ZNF333: variants seen among roughly 807,000 people sequenced by gnomAD.
ZNF333 encodes zinc finger protein 333.
ZNF333 carries 61 observed loss-of-function variants against 76.1 expected under a neutral mutation model. That is an observed-to-expected ratio of 0.80 (90% confidence interval 0.65 to 0.99). The LOEUF (loss-of-function observed/expected upper bound fraction) is 0.99, where lower values mean the gene tolerates loss of function less well. Among genes scored for constraint, ZNF333 ranks in the 50% least tolerant of loss-of-function variants. The pLI, the probability that ZNF333 is intolerant of heterozygous loss-of-function variation, is 0.00. For missense variants in ZNF333, 717 were observed against 822.4 expected (o/e 0.87, Z 1.57); for synonymous variants, 284 against 305.0 (o/e 0.93, Z 0.72).
At chr19:14,705,992 C>T in intron 6 of ZNF333, 1 of 426,548 alleles carries the variant, frequency 2.3e-6, no homozygotes, top group Non-Finnish European at 4.7e-6. Flanking sequence ...CGTCCCTGCC[C>T]TGTTCCCTCC....
chr19:14,700,098 G>A (rs921033349), intron 5 of ZNF333: 12 of 152,070 alleles, frequency 7.9e-5, no homozygotes, highest in African/African-American at 2.9e-4. Context: ...TCAAACTCCT[G>A]GGCTCAAGCG....
At chr19:14,725,649 A>G (rs546572712), downstream of ZNF333, among the ~76,000 whole-genome samples, 59 of 152,382 alleles carry the variant, frequency 3.9e-4, 1 homozygote, top group South Asian at 3.5e-3. Flanking sequence ...AACAGACCTC[A>G]TGCAAGTTGT....
chr19:14,699,945 G>T (rs180905419), intron 5 of ZNF333, among the ~76,000 whole-genome samples: 3 of 152,000 alleles, frequency 2.0e-5, no homozygotes, highest in Admixed American at 2.0e-4. Context: ...ATATGCTCCC[G>T]GTGGGGAGGA....
intron 5 of ZNF333, chr19:14,701,482 G>T: frequency 1.4e-6 from 1 of 705,212 alleles, no homozygotes; most frequent in Non-Finnish European, 1.7e-6. Context: ...TGTGTGTCAT[G>T]TAGCCCCCAG....
At chr19:14,702,599 C>T (rs2041988689) in intron 5 of ZNF333, among the ~76,000 whole-genome samples, 1 of 152,180 alleles carries the variant, frequency 6.6e-6, no homozygotes, top group Non-Finnish European at 1.5e-5. Context: ...CTGTCCCAGG[C>T]CCACCCCACA....
chr19:14,716,163 G>A lies in ZNF333; in HGVS notation c.652G>A (p.Val218Met). ...TGTGGTGTTCACCCCAGAAGAATGG[G>A]TGTTTCTGGACTCTACTCAGAGGAG... ...VAVVFTPEEW[V>M]FLDSTQRSLY... The change falls in exon 9 of 12, where the codon GTG (valine) becomes ATG (methionine). Residue 218 changes from valine to methionine, a missense_variant. Transcript: ENST00000292530. 1.2e-6 allele frequency: 2 copies of A among 1,614,166 alleles called. No individual in the cohort carries two copies. The highest frequency in any genetic ancestry group is 1.7e-6 in the Non-Finnish European group (2 of 1,180,030).
At position 14,708,615 on chromosome 19, in the gene ZNF333, G is replaced by C; in HGVS notation, c.511+1842G>C. 1.1e-5 allele frequency: 4 copies of C among 367,278 alleles called. No homozygotes were observed. The Admixed American group carries it at 1.8e-4, about 17-fold the overall frequency. The allele number at this position is 367,278 out of a possible 1,614,324, so 22.8% of individuals were successfully genotyped here. A position where few individuals can be genotyped will look rare whatever the true frequency, so the allele number is the denominator to read the frequency against. On this transcript the variant is annotated intron_variant, in intron 7 of 11. Coordinates refer to ENST00000292530, the MANE Select transcript of ZNF333 (RefSeq NM_032433.4). ...ATAATGGGCCTGTTCACTCTCAGCT[G>C]TGGGCCGTCCTGTGCATTATAGGAT...
At chr19:14,705,475 T>C (rs2042082323) in intron 6 of ZNF333, among the ~76,000 whole-genome samples, 1 of 152,028 alleles carries the variant, frequency 6.6e-6, no homozygotes, top group Non-Finnish European at 1.5e-5. Flanking sequence ...TTCCATAACC[T>C]CGAAACTGAC....
intron 2 of ZNF333, 129 bp downstream of exon 2, chr19:14,693,623 CA>C: frequency 7.9e-6 from 9 of 1,138,044 alleles, no homozygotes; most frequent in Non-Finnish European, 9.8e-6. Flanking sequence ...GAGTGAGGAG[CA>C]TCCTCATCCC....
At chr19:14,725,846 T>C (rs2042629933), downstream of ZNF333, among the ~76,000 whole-genome samples, 1 of 152,186 alleles carries the variant, frequency 6.6e-6, no homozygotes, top group South Asian at 2.1e-4. Context: ...TGCAGGTTTT[T>C]CAGGCAGAGG....
chr19:14,717,080 A>G lies in ZNF333; in HGVS notation c.814A>G (p.Thr272Ala). 2 of 1,605,466 alleles carry G rather than the reference A, an allele frequency of 1.2e-6. No homozygotes were observed. Among genetic ancestry groups the G allele is most frequent in the Non-Finnish European group, 1.7e-6 (2 of 1,174,988 alleles). Residue 272 changes from threonine (T) to alanine (A), a missense_variant, in exon 10 of 12, where the codon ACC (threonine) becomes GCC (alanine). Coordinates refer to ENST00000292530, the MANE Select transcript of ZNF333 (RefSeq NM_032433.4). ...WTTDRGVLSD[T>A]CAEPQCQPQE... Reference sequence around the variant, plus strand: ...CACTGACAGGGGCGTCCTCTCAGACACCTGTGCAGGTGAGCCCAGGCAGAT... The same window carrying G: ...CACTGACAGGGGCGTCCTCTCAGACGCCTGTGCAGGTGAGCCCAGGCAGAT...
At chr19:14,712,285 T>A (rs1293702982) in intron 7 of ZNF333, among the ~76,000 whole-genome samples, 1 of 151,778 alleles carries the variant, frequency 6.6e-6, no homozygotes, top group Non-Finnish European at 1.5e-5. Context: ...AGTGGTGCAA[T>A]CTTGGCTCAC....
intron 5 of ZNF333, among the ~76,000 whole-genome samples, chr19:14,700,629 C>T (rs904382773): frequency 1.1e-4 from 16 of 152,088 alleles, no homozygotes; most frequent in Non-Finnish European, 2.4e-4. Flanking sequence ...CCCCTTTGGC[C>T]CTGAATTTCC....
chr19:14,698,869 C>T (rs1007317167), intron 4 of ZNF333, among the ~76,000 whole-genome samples: 3 of 130,606 alleles, frequency 2.3e-5, no homozygotes, highest in African/African-American at 6.2e-5. Flanking sequence ...AAACAAAAAA[C>T]ATGTATGTGT....
chr19:14,716,292 T>A, intron 9 of ZNF333, 54 bp downstream of exon 9: 1 of 1,581,882 alleles, frequency 6.3e-7, no homozygotes, highest in Non-Finnish European at 8.6e-7. Context: ...AGAGTCTTGC[T>A]CTGTTGCCTA....
chr19:14,718,417 A>G lies in ZNF333; in HGVS notation c.1090A>G (p.Lys364Glu). The G allele has an allele frequency of 6.2e-7, 1 of 1,614,212 alleles. No homozygotes were observed. Among genetic ancestry groups the G allele is most frequent in the Non-Finnish European group, 8.5e-7 (1 of 1,180,040 alleles). The change falls in exon 12 of 12, where the codon AAA becomes GAA. Residue 364 changes from lysine (K) to glutamate (E), a missense_variant. Lys to Glu is a moderately conservative substitution (Grantham distance 56, BLOSUM62 1). Coordinates refer to ENST00000292530, the MANE Select transcript of ZNF333 (RefSeq NM_032433.4). ...IVPEKIRSGDKSYACNKCEKS... is the reference protein window; with the variant it reads ...IVPEKIRSGDESYACNKCEKS... ...GCCCGAGAAAATCCGTAGTGGGGAT[A>G]AATCCTATGCATGTAACAAATGTGA...
exon 12 of ZNF333, chr19:14,733,073 C>G (rs2042691021): frequency 2.0e-5 from 3 of 152,236 alleles, no homozygotes; most frequent in Admixed American, 1.3e-4. Flanking sequence ...CTGATATTCC[C>G]CATCTCACCT....
intron 8 of ZNF333, among the ~76,000 whole-genome samples, 174 bp from the exon 9 acceptor site, chr19:14,715,938 G>A (rs1478129168): frequency 1.3e-5 from 2 of 152,198 alleles, no homozygotes; most frequent in Non-Finnish European, 2.9e-5. Flanking sequence ...AGAGTAGAGA[G>A]AGGAGTTCTA....
intron 7 of ZNF333, among the ~76,000 whole-genome samples, chr19:14,710,938 C>T (rs947378964): frequency 1.1e-4 from 17 of 151,298 alleles, no homozygotes; most frequent in African/African-American, 3.6e-4. Flanking sequence ...GTGCGGAGAT[C>T]ACATGGTGAG....
Sources: gnomAD v4.1 joint callset for allele counts (sites outside exome capture counted in the v4.1 genomes callset) on GRCh38, gnomAD v4.1.1 for gene constraint, MANE v1.5 for transcripts, NCBI Gene and HGNC (gene_info 2026-07-23, HGNC 2026-07-21) for gene names.